The following PACS1 variants were observed in gnomAD, a reference collection of about 807,000 sequenced individuals.
PACS1 encodes phosphofurin acidic cluster sorting protein 1.
In PACS1, 24 loss-of-function variants were observed where a neutral mutation model predicts 115.0. The ratio of observed to expected loss-of-function variants is 0.21; its 90% confidence interval spans 0.15 to 0.29. PACS1 has a LOEUF of 0.29. PACS1 is among the 10% of genes least tolerant of loss of function. The pLI is 1.00. For missense variants in PACS1, 838 were observed against 1,251.2 expected, an observed-to-expected ratio of 0.67 and a Z score of 4.98; for synonymous variants, 453 against 504.5, an observed-to-expected ratio of 0.90 and a Z score of 1.37.
chr11:66,134,060 C>T (rs1409699438), intron 1 of PACS1, among the ~76,000 whole-genome samples: 2 of 151,776 alleles, frequency 1.3e-5, no homozygotes, highest in African/African-American at 4.8e-5. Flanking sequence ...ATGCCTATTC[C>T]TGAGGCATTG....
intron 14 of PACS1, 88 bp from the exon 15 acceptor site, chr11:66,232,872 T>G (rs1855626529): frequency 4.2e-6 from 4 of 956,180 alleles, no homozygotes; most frequent in Middle Eastern, 2.5e-4. Context: ...GCCCTGCAGC[T>G]CGGTCTGGGT....
chr11:66,164,738 C>T (rs975635292), intron 1 of PACS1, among the ~76,000 whole-genome samples: 2 of 150,336 alleles, frequency 1.3e-5, no homozygotes, highest in African/African-American at 4.9e-5. Flanking sequence ...TGTGAGCCAC[C>T]GCACCTGGCC....
chr11:66,119,902 C>T (rs1159324521), intron 1 of PACS1, among the ~76,000 whole-genome samples: 6 of 152,202 alleles, frequency 3.9e-5, no homozygotes, highest in South Asian at 4.2e-4. Context: ...CTCTAGGCAC[C>T]GTTCAGCTCA....
intron 1 of PACS1, among the ~76,000 whole-genome samples, chr11:66,105,211 G>A (rs1858007355): frequency 6.6e-6 from 1 of 152,076 alleles, no homozygotes; most frequent in Non-Finnish European, 1.5e-5. Flanking sequence ...ATCACCTGAG[G>A]TAGGGAGTTT....
At chr11:66,100,961 A>G in intron 1 of PACS1, 1 of 455,516 alleles carries the variant, frequency 2.2e-6, no homozygotes, top group South Asian at 1.5e-5. Context: ...TCCAGCGTGG[A>G]GAGTCACATG....
intron 1 of PACS1, among the ~76,000 whole-genome samples, chr11:66,096,496 C>T (rs1012936274): frequency 1.6e-4 from 24 of 149,956 alleles, no homozygotes; most frequent in Non-Finnish European, 3.0e-4. Flanking sequence ...AATAAAGTTG[C>T]TATGAATTTT....
At chr11:66,237,214 G>A (rs981479963) in intron 19 of PACS1, among the ~76,000 whole-genome samples, 1 of 151,992 alleles carries the variant, frequency 6.6e-6, no homozygotes, top group Non-Finnish European at 1.5e-5. Context: ...CCTGTGCACG[G>A]CATGCCCGGC....
At chr11:66,143,727 C>T (rs1182385580) in intron 1 of PACS1, among the ~76,000 whole-genome samples, 1 of 152,128 alleles carries the variant, frequency 6.6e-6, no homozygotes, top group Admixed American at 6.5e-5. Context: ...GCAACCTCTG[C>T]CTCCTGGGTT....
chr11:66,137,021 T>TG (rs1554981011), intron 1 of PACS1, among the ~76,000 whole-genome samples: 3 of 115,996 alleles, frequency 2.6e-5, no homozygotes, highest in African/African-American at 9.4e-5. Flanking sequence ...AGTCACAAAT[T>TG]GCCCCCCCCC....
intron 1 of PACS1, among the ~76,000 whole-genome samples, chr11:66,165,212 G>A (rs960017427): frequency 6.6e-6 from 1 of 152,072 alleles, no homozygotes; most frequent in African/African-American, 2.4e-5. Flanking sequence ...TCCACTCTTC[G>A]GCAGCATCTG....
intron 1 of PACS1, among the ~76,000 whole-genome samples, chr11:66,115,267 T>C (rs17147342): frequency 0.027 from 4,155 of 151,398 alleles, 202 homozygotes; most frequent in African/African-American, 0.094. Context: ...TGATCAGCAG[T>C]TGGTTATAAT....
At chr11:66,234,031 G>A (rs1421139552) in intron 16 of PACS1, 92 bp downstream of exon 16, 36 of 1,567,356 alleles carry the variant, frequency 2.3e-5, no homozygotes, top group Non-Finnish European at 3.0e-5. Context: ...TGGGGCCTAG[G>A]AAGGGACAGT....
intron 2 of PACS1, among the ~76,000 whole-genome samples, chr11:66,202,742 A>ATATATATATATATATAT (rs1554988696): frequency 1.4e-5 from 1 of 71,602 alleles, no homozygotes; most frequent in Non-Finnish European, 2.3e-5. Context: ...AAAAAAAAAA[A>ATATATATATATATATAT]ATATATATAT....
chr11:66,109,224 A>G (rs1858129048), intron 1 of PACS1, among the ~76,000 whole-genome samples: 2 of 152,150 alleles, frequency 1.3e-5, no homozygotes. Context: ...AAGGGTGGTG[A>G]GTACCTGGGG....
rs1855299392 is a variant in PACS1, at chr11:66,219,748, A to G, written c.981A>G (p.Gln327=). 6.2e-7 allele frequency: 1 copy of G among 1,613,470 alleles called. No individual in the cohort carries two copies. Among genetic ancestry groups the G allele is most frequent in the African/African-American group, 1.3e-5 (1 of 74,870 alleles). Residue 327 remains glutamine, a splice_region_variant and synonymous_variant, in exon 8 of 24, where the codon CAA becomes CAG. Transcript: ENST00000320580. ...TGTCATGCGATTTGTCCCTACAGCA[A>G]CCTAACATCAAACAGAAGTTTGTGG... ...KLTSTSAITR[Q]PNIKQKFVAL...
At chr11:66,100,089 A>G (rs1258880230) in intron 1 of PACS1, among the ~76,000 whole-genome samples, 14 of 152,032 alleles carry the variant, frequency 9.2e-5, no homozygotes. Flanking sequence ...CATGTTGGTC[A>G]GGCTGGTCTC....
At chr11:66,089,960 C>T (rs186486592) in intron 1 of PACS1, among the ~76,000 whole-genome samples, 31 of 142,192 alleles carry the variant, frequency 2.2e-4, no homozygotes, top group Non-Finnish European at 3.2e-4. Context: ...GAGCCAAGAT[C>T]GCGCCACTGC....
At chr11:66,136,425 A>C (rs902952795) in intron 1 of PACS1, among the ~76,000 whole-genome samples, 8 of 152,078 alleles carry the variant, frequency 5.3e-5, no homozygotes, top group African/African-American at 1.9e-4. Context: ...CATATCCTCT[A>C]ACATCCCCAC....
intron 1 of PACS1, among the ~76,000 whole-genome samples, chr11:66,185,443 TTCAC>T (rs1053129552): frequency 6.6e-6 from 1 of 152,216 alleles, no homozygotes; most frequent in African/African-American, 2.4e-5. Flanking sequence ...CATCCATCTT[TTCAC>T]TGACCTTCCA....
Sources: gnomAD v4.1 joint callset for allele counts (sites outside exome capture counted in the v4.1 genomes callset) on GRCh38, gnomAD v4.1.1 for gene constraint, MANE v1.5 for transcripts, NCBI Gene and HGNC (gene_info 2026-07-23, HGNC 2026-07-21) for gene names.